The following IQCK variants were observed in gnomAD, a reference collection of about 807,000 sequenced individuals.
IQCK encodes IQ domain-containing protein K.
Under a neutral mutation model 28.1 loss-of-function variants are expected in IQCK, and 29 were observed. The ratio of observed to expected loss-of-function variants is 1.03; its 90% CI spans 0.77 to 1.41. The LOEUF is 1.41. Ranked by LOEUF, IQCK falls within the 40% of genes most tolerant of loss-of-function variation. The pLI is 0.00. For synonymous variants in IQCK, 113 were observed against 115.1 expected, an observed-to-expected ratio of 0.98 and a Z score of 0.12; for missense variants, 359 against 314.7, an observed-to-expected ratio of 1.14 and a Z score of -1.07.
At chr16:19,784,052 A>G (rs2055529951) in intron 6 of IQCK, among the ~76,000 whole-genome samples, 1 of 152,182 alleles carries the variant, frequency 6.6e-6, no homozygotes, top group African/African-American at 2.4e-5. Context: ...GAAAGGCGCT[A>G]TCAAATCTCC....
chr16:19,824,082 A>G (rs2056111216), intron 7 of IQCK, among the ~76,000 whole-genome samples: 1 of 152,152 alleles, frequency 6.6e-6, no homozygotes, highest in Non-Finnish European at 1.5e-5. Context: ...TGATACAAGC[A>G]CGTTACATTT....
At chr16:19,733,797 G>T in exon 3 of IQCK, 1 of 1,614,124 alleles carries the variant, frequency 6.2e-7, no homozygotes, top group Non-Finnish European at 8.5e-7. Context: ...CTGTCCTCAA[G>T]ATAAATCGGA....
chr16:19,851,843 C>G (rs61029852), intron 9 of IQCK, among the ~76,000 whole-genome samples: 1,975 of 152,312 alleles, frequency 0.013, 30 homozygotes, highest in African/African-American at 0.045. Flanking sequence ...CTTCTTCTCT[C>G]CTGCCTCTCA....
At chr16:19,733,110 T>C (rs1453674990) in intron 2 of IQCK, among the ~76,000 whole-genome samples, 1 of 152,102 alleles carries the variant, frequency 6.6e-6, no homozygotes, top group African/African-American at 2.4e-5. Flanking sequence ...CTCCTGTGAC[T>C]GTTACTTCCA....
chr16:19,764,335 T>TA (rs200008066), intron 6 of IQCK: 1,072 of 401,124 alleles, frequency 2.7e-3, no homozygotes, highest in Admixed American at 2.9e-3. Context: ...ATAGAAAACT[T>TA]AAAAAAAAAA....
intron 4 of IQCK, among the ~76,000 whole-genome samples, chr16:19,743,968 G>T (rs954797519): frequency 3.9e-5 from 6 of 152,186 alleles, no homozygotes; most frequent in African/African-American, 1.4e-4. Context: ...CACATCTATT[G>T]TGTGGTGTGT....
At chr16:19,743,335 G>A (rs1322961783) in intron 4 of IQCK, among the ~76,000 whole-genome samples, 1 of 152,178 alleles carries the variant, frequency 6.6e-6, no homozygotes, top group East Asian at 1.9e-4. Context: ...ACTGCCTCTG[G>A]AGGGAGGTAA....
At chr16:19,846,865 T>TTCC (rs2056420567) in intron 9 of IQCK, among the ~76,000 whole-genome samples, 1 of 152,132 alleles carries the variant, frequency 6.6e-6, no homozygotes, top group Non-Finnish European at 1.5e-5. Flanking sequence ...CTATAATGTA[T>TTCC]TGCTCTTCAT....
chr16:19,779,786 C>T (rs532947586), intron 6 of IQCK, among the ~76,000 whole-genome samples: 4 of 150,958 alleles, frequency 2.6e-5, no homozygotes, highest in East Asian at 2.0e-4. Flanking sequence ...GGTGCGATCT[C>T]GGCTCACTGC....
At chr16:19,820,715 T>G (rs895470818) in intron 7 of IQCK, among the ~76,000 whole-genome samples, 1 of 151,288 alleles carries the variant, frequency 6.6e-6, no homozygotes, top group Non-Finnish European at 1.5e-5. Context: ...CAAAGTACAC[T>G]ATTAAGAGAG....
intron 7 of IQCK, among the ~76,000 whole-genome samples, chr16:19,824,387 G>A (rs201828129): frequency 2.0e-5 from 3 of 152,162 alleles, no homozygotes; most frequent in African/African-American, 7.2e-5. Context: ...TAATGTGAGC[G>A]ATAGGGAGTG....
intron 7 of IQCK, among the ~76,000 whole-genome samples, chr16:19,823,043 A>C (rs902979873): frequency 1.3e-5 from 2 of 151,970 alleles, no homozygotes; most frequent in Non-Finnish European, 2.9e-5. Flanking sequence ...CTGATGGTGA[A>C]ACCTGGCTCG....
intron 4 of IQCK, among the ~76,000 whole-genome samples, chr16:19,748,871 T>C (rs1202869753): frequency 6.6e-6 from 1 of 152,132 alleles, no homozygotes; most frequent in African/African-American, 2.4e-5. Flanking sequence ...AAGCAACTGC[T>C]AGAATCACAT....
At chr16:19,821,998 G>A (rs1191170007) in intron 7 of IQCK, among the ~76,000 whole-genome samples, 1 of 148,498 alleles carries the variant, frequency 6.7e-6, no homozygotes, top group African/African-American at 2.5e-5. Flanking sequence ...TCTGGGAGGT[G>A]GAGGTTGCAG....
chr16:19,854,473 C>G (rs1465087790), intron 9 of IQCK, among the ~76,000 whole-genome samples: 1 of 152,192 alleles, frequency 6.6e-6, no homozygotes, highest in Admixed American at 6.5e-5. Context: ...ATGGGCTCCA[C>G]CCCCAGTGTC....
intron 7 of IQCK, among the ~76,000 whole-genome samples, chr16:19,793,659 T>G (rs906563433): frequency 3.0e-5 from 4 of 133,504 alleles, no homozygotes; most frequent in South Asian, 2.4e-4. Context: ...TTTTTTTTTT[T>G]TTTTTTTTTT....
At chr16:19,734,444 A>T (rs1286462107) in intron 3 of IQCK, among the ~76,000 whole-genome samples, 1 of 139,802 alleles carries the variant, frequency 7.2e-6, no homozygotes, top group Non-Finnish European at 1.5e-5. Flanking sequence ...TGGGCAACAG[A>T]CTAAGACTCC....
chr16:19,830,294 T>C (rs1271232438), downstream of IQCK, among the ~76,000 whole-genome samples: 1 of 152,212 alleles, frequency 6.6e-6, no homozygotes, highest in African/African-American at 2.4e-5. Flanking sequence ...TTCTTTCTGT[T>C]GGTCTGTATT....
chr16:19,772,306 A>T (rs976190409), intron 6 of IQCK, among the ~76,000 whole-genome samples: 5 of 152,190 alleles, frequency 3.3e-5, no homozygotes, highest in Non-Finnish European at 7.4e-5. Flanking sequence ...CACTAAGATG[A>T]GGGTAGTGGG....
Sources: gnomAD v4.1 joint callset for allele counts (sites outside exome capture counted in the v4.1 genomes callset) on GRCh38, gnomAD v4.1.1 for gene constraint, MANE v1.5 for transcripts, NCBI Gene and HGNC (gene_info 2026-07-23, HGNC 2026-07-21) for gene names.